Variants in ZMYM3 observed in about 807,000 individuals in gnomAD.
ZMYM3 encodes the protein zinc finger MYM-type protein 3.
A neutral mutation model predicts 94.2 loss-of-function variants in ZMYM3; 6 were observed. The observed-to-expected ratio is 0.06, with a 90% CI of 0.03 to 0.13. ZMYM3 has a LOEUF of 0.13. Among genes scored for constraint, ZMYM3 ranks in the 10% least tolerant of loss-of-function variants. The pLI, the probability that ZMYM3 is intolerant of heterozygous loss-of-function variation, is 1.00. For synonymous variants in ZMYM3, 420 were observed against 426.5 expected (o/e 0.98, Z 0.19); for missense variants, 664 against 1,132.6 (o/e 0.59, Z 5.94).
chrX:71,255,134 C>CTG (rs2030705278), upstream of ZMYM3: 1 of 91,126 alleles, frequency 1.1e-5, no homozygotes, highest in Non-Finnish European at 2.2e-5. Context: ...CTCTCTCTCT[C>CTG]TCTCTCTCTC....
chrX:71,252,642 C>G lies in ZMYM3; in HGVS notation c.614G>C (p.Ser205Thr), dbSNP rs777627196. 5 of 1,154,251 alleles carry G rather than the reference C, an allele frequency of 4.3e-6. No homozygotes were observed. The Admixed American group carries it at 1.4e-4, about 33-fold the overall frequency. ...AGAGCCCCCAGGTTTGGTCTGAGAA[C>G]TGTTGATTCCATCCCCCAGAGTCTC... ...VGETLGDGIN[S>T]SQTKPGGSSP... The change falls in exon 2 of 25, where the codon AGT becomes ACT. Residue 205 changes from serine to threonine, a missense_variant. Physicochemically the swap from Ser to Thr is moderately conservative, Grantham distance 58 (BLOSUM62 1). Coordinates refer to ENST00000314425, the MANE Select transcript of ZMYM3 (RefSeq NM_201599.3).
rs781659423 is a variant in ZMYM3 at position 71,249,794 on chromosome X, A to AC, written c.1252-116dup. 4,251 of 1,101,161 alleles carry AC rather than the reference A, an allele frequency of 3.9e-3. 13 individuals carry two copies. The highest frequency in any genetic ancestry group is 4.6e-3 in the Non-Finnish European group (3,857 of 841,315). The allele number at this position is 1,101,161 out of a possible 1,213,427, so 90.7% of individuals were successfully genotyped here. Reference sequence around the variant, plus strand: ...TTCACAGCAGACAGTGGGCCCAGGGACCCCCCAACCTGCGCCGCAGGCTGC... The same window carrying AC: ...TTCACAGCAGACAGTGGGCCCAGGGACCCCCCCAACCTGCGCCGCAGGCTGC... On this transcript the variant is annotated intron_variant, in intron 6 of 24. Coordinates refer to ENST00000314425, the MANE Select transcript of ZMYM3 (RefSeq NM_201599.3).
At position 71,251,786 on chromosome X, in the gene ZMYM3, T is replaced by C. The variant is rs772109118; in HGVS notation, c.668-185A>G. ...AGGCTCTGTACTAAGGGTGGGGGGG[T>C]GCACGTGCAGCTATTCCATGAAAAA... On this transcript the variant is annotated intron_variant, in intron 2 of 24. Coordinates refer to ENST00000314425, the MANE Select transcript of ZMYM3 (RefSeq NM_201599.3). 4,353 of 746,911 alleles carry C rather than the reference T, an allele frequency of 5.8e-3. 11 individuals carry two copies. The highest frequency in any genetic ancestry group is 0.028 in the Middle Eastern group (37 of 1,310). 61.6% of individuals were successfully genotyped at this position (746,911 alleles called of 1,213,427 possible). A position where few individuals can be genotyped will look rare whatever the true frequency, so the allele number is the denominator to read the frequency against.
chrX:71,242,692 C>T (rs745708289), intron 22 of ZMYM3, among the ~76,000 whole-genome samples: 46 of 112,092 alleles, frequency 4.1e-4, no homozygotes, highest in African/African-American at 1.4e-3. Flanking sequence ...AGGAGTCCCA[C>T]GATTTCTTGC....
At chrX:71,255,114 CT>C (rs2030701771), upstream of ZMYM3, 1 of 84,720 alleles carries the variant, frequency 1.2e-5, no homozygotes, top group Non-Finnish European at 2.3e-5. Context: ...CTCTCTCTCT[CT>C]CTCTCTCTCT....
At chrX:71,250,004 A>G in intron 6 of ZMYM3, 22 bp downstream of exon 6, 6 of 1,154,367 alleles carry the variant, frequency 5.2e-6, no homozygotes, top group Non-Finnish European at 6.9e-6. Context: ...TCTGTAAATC[A>G]GCCCCCACTG....
At chrX:71,249,331 CGG>C in intron 7 of ZMYM3, 128 bp downstream of exon 7, 1 of 1,131,404 alleles carries the variant, frequency 8.8e-7, no homozygotes, top group Non-Finnish European at 1.2e-6. Flanking sequence ...TAAAACATAA[CGG>C]ATACAATTGA....
chrX:71,247,864 C>T lies in ZMYM3; in HGVS notation c.2018G>A (p.Gly673Asp), dbSNP rs1284069353. The part of the protein sequence containing the change: ...LYKQDFTKKL[G>D]LCCITCTYCS... ...GTAAGTACAAGTGATACAGCACAAG[C>T]CCAGCTTCTTAGTGAAGTCCTGTTT... Residue 673 changes from glycine to aspartate, a missense_variant, in exon 12 of 25, where the codon GGC becomes GAC. Coordinates refer to ENST00000314425, the MANE Select transcript of ZMYM3 (RefSeq NM_201599.3). 1.7e-6 allele frequency: 2 copies of T among 1,204,374 alleles called. No homozygotes were observed. Among genetic ancestry groups the T allele is most frequent in the South Asian group, 1.8e-5 (1 of 55,662 alleles).
At chrX:71,248,075 T>A (rs780795483) in intron 11 of ZMYM3, 87 bp downstream of exon 11, 518 of 1,155,798 alleles carry the variant, frequency 4.5e-4, no homozygotes, top group Non-Finnish European at 5.9e-4. Context: ...CCCTGCCTCA[T>A]GGACCACTTT....
chrX:71,248,117 C>T (rs1402926626), intron 11 of ZMYM3, 45 bp downstream of exon 11: 5 of 1,202,882 alleles, frequency 4.2e-6, no homozygotes, highest in African/African-American at 1.7e-5. Flanking sequence ...TCCATTCTCC[C>T]TGGCTGGGAG....
intron 18 of ZMYM3, 134 bp from the exon 19 acceptor site, chrX:71,245,027 T>C (rs1185885218): frequency 7.5e-6 from 4 of 532,931 alleles, no homozygotes; most frequent in Admixed American, 8.2e-5. Context: ...CCAAAAAGCA[T>C]GCTCAGAGGC....
At chrX:71,248,890 G>C (rs975793405) in intron 8 of ZMYM3, 89 bp from the exon 9 acceptor site, 1 of 1,103,072 alleles carries the variant, frequency 9.1e-7, no homozygotes, top group Non-Finnish European at 1.2e-6. Flanking sequence ...TGTAAGAGAC[G>C]AACAGAAAAT....
intron 5 of ZMYM3, 51 bp from the exon 6 acceptor site, chrX:71,250,254 C>A: frequency 8.9e-7 from 1 of 1,120,622 alleles, no homozygotes; most frequent in Non-Finnish European, 1.2e-6. Flanking sequence ...CCTCTCATTT[C>A]CTCAGCTTCC....
At chrX:71,243,384 A>T (rs902180387) in intron 21 of ZMYM3, among the ~76,000 whole-genome samples, 2 of 111,433 alleles carry the variant, frequency 1.8e-5, no homozygotes, top group Admixed American at 1.9e-4. Context: ...GCACTCAAGG[A>T]TCCCAGCTCC....
In ZMYM3 at chrX:71,241,078, C is replaced by T. The variant is rs2029920741; in HGVS notation, c.3951G>A (p.Val1317=). The part of the protein sequence containing the change: ...CPESLRTRND[V]FYLQPERSCI... ...AGGACCGTTCAGGTTGCAGGTAGAA[C>T]ACATCGTTGCGAGTCCGGAGGCTTT... is the stretch of plus-strand genomic sequence containing the variant. The change falls in exon 25 of 25, where the codon GTG becomes GTA. Residue 1317 remains valine (V), a synonymous_variant. Transcript: ENST00000314425. 3 of 1,209,922 alleles carry T rather than the reference C, an allele frequency of 2.5e-6. No homozygotes were observed. Among genetic ancestry groups the T allele is most frequent in the Non-Finnish European group, 2.2e-6 (2 of 894,706 alleles).
chrX:71,247,805 G>T lies in ZMYM3; in HGVS notation c.2077C>A (p.Gln693Lys). The part of the protein sequence containing the change: ...SQTCQRGVTE[Q>K]LDGSTWDFCS... ...AAGTCCCAGGTGCTGCCATCCAGTT[G>T]CTCGGTGACTCCGCGCTGGCAGGTC... is the stretch of plus-strand genomic sequence containing the variant. The change falls in exon 12 of 25, where the codon CAA becomes AAA. Residue 693 changes from glutamine (Q) to lysine (K), a missense_variant. By Grantham distance (53) the Gln-to-Lys change is moderately conservative (BLOSUM62 1). This residue lies in a region of ZMYM3 where 159 missense variants were observed against 313.0 expected (regional missense o/e 0.51). Coordinates refer to ENST00000314425, the MANE Select transcript of ZMYM3 (RefSeq NM_201599.3). The T allele has an allele frequency of 8.3e-7, 1 of 1,211,808 alleles. No individual in the cohort carries two copies. The highest frequency in any genetic ancestry group is 1.1e-6 in the Non-Finnish European group (1 of 895,463).
chrX:71,247,211 A>G (rs1049846698), intron 13 of ZMYM3, 134 bp downstream of exon 13: 2 of 581,314 alleles, frequency 3.4e-6, no homozygotes, highest in Non-Finnish European at 5.3e-6. Context: ...CTAAAAGAGA[A>G]TACAGTTCAC....
At chrX:71,241,890 C>A (rs770708080) in intron 23 of ZMYM3, among the ~76,000 whole-genome samples, 1 of 111,900 alleles carries the variant, frequency 8.9e-6, no homozygotes, top group East Asian at 2.8e-4. Context: ...CCAATGGTTT[C>A]CTACCTGTCC....
At position 71,247,922 on chromosome X, in the gene ZMYM3, G is replaced by A; in HGVS notation, c.1976-16C>T. Reference sequence around the variant, plus strand: ...AGCACACAGCCTGGAAAGAGGAGAAGAGGAAAGAGAGTCCAGAGACACAGA... The same window carrying A: ...AGCACACAGCCTGGAAAGAGGAGAAAAGGAAAGAGAGTCCAGAGACACAGA... On this transcript the variant is annotated splice_polypyrimidine_tract_variant and intron_variant, in intron 11 of 24. Transcript: ENST00000314425. The A allele has an allele frequency of 1.7e-6, 2 of 1,173,638 alleles. No individual in the cohort carries two copies. Among genetic ancestry groups the A allele is most frequent in the Non-Finnish European group, 2.3e-6 (2 of 874,913 alleles).
Sources: allele counts gnomAD v4.1 joint callset (sites outside exome capture counted in the v4.1 genomes callset), GRCh38; gene constraint gnomAD v4.1.1; regional missense constraint gnomAD v4.1.1; transcripts MANE v1.5; gene names NCBI Gene and HGNC (gene_info 2026-07-23, HGNC 2026-07-21).